The following NUDCD3 variants were observed in gnomAD, a reference collection of about 807,000 sequenced individuals.
The protein encoded by NUDCD3 is NudC domain containing 3, also known as nudC domain-containing protein 3.
In NUDCD3, 13 loss-of-function variants were observed where a neutral mutation model predicts 39.7. That is an observed-to-expected ratio of 0.33 (90% confidence interval 0.21 to 0.52). NUDCD3 has a LOEUF of 0.52. Ranked by LOEUF, NUDCD3 falls within the 20% of genes least tolerant of loss-of-function variation. NUDCD3 has a pLI of 0.96. For synonymous variants in NUDCD3, 175 were observed against 172.4 expected (o/e 1.02, Z -0.12); for missense variants, 453 against 458.1 (o/e 0.99, Z 0.10).
chr7:44,472,655 C>T (rs1398714586), intron 2 of NUDCD3, among the ~76,000 whole-genome samples: 1 of 151,998 alleles, frequency 6.6e-6, no homozygotes, highest in Non-Finnish European at 1.5e-5. Context: ...GTTGTGCTAA[C>T]AAACAAAATG....
chr7:44,419,126 A>C (rs1356197523), intron 3 of NUDCD3, among the ~76,000 whole-genome samples: 1 of 152,118 alleles, frequency 6.6e-6, no homozygotes, highest in Non-Finnish European at 1.5e-5. Flanking sequence ...CCAGGGAGCC[A>C]AGGGACAATC....
intron 2 of NUDCD3, among the ~76,000 whole-genome samples, chr7:44,477,438 C>T (rs934717067): frequency 1.3e-5 from 2 of 152,212 alleles, no homozygotes; most frequent in Admixed American, 1.3e-4. Flanking sequence ...AAAGGAAAAG[C>T]CCAGGACTGA....
chr7:44,453,770 G>A (rs149897133), intron 2 of NUDCD3, among the ~76,000 whole-genome samples: 3 of 152,158 alleles, frequency 2.0e-5, no homozygotes. Flanking sequence ...TTGGCCAGGC[G>A]TGGTGGCTCA....
At chr7:44,405,767 A>C (rs943751778) in intron 3 of NUDCD3, among the ~76,000 whole-genome samples, 9 of 152,184 alleles carry the variant, frequency 5.9e-5, no homozygotes, top group African/African-American at 2.2e-4. Flanking sequence ...AAATGGGAGA[A>C]ATGATGTGCA....
At chr7:44,467,973 A>C in intron 2 of NUDCD3, 2 of 1,611,750 alleles carry the variant, frequency 1.2e-6, no homozygotes, top group Non-Finnish European at 1.7e-6. Context: ...CACCAGTCAG[A>C]CCAATATGTC....
In NUDCD3 at chr7:44,416,957, A is replaced by G. The variant is rs183410865; in HGVS notation, c.642+10614T>C. 1.9e-4 allele frequency among the ~76,000 whole-genome samples: 29 copies of G among 152,300 alleles called. 1 individual carries two copies. The highest frequency in any genetic ancestry group is 2.9e-5 in the Non-Finnish European group (2 of 68,020). On this transcript the variant is annotated intron_variant, in intron 3 of 5. Transcript: ENST00000355451. ...GGGGGGGACAACTCACTATTTCAAG[A>G]CACAGAGAGGGCACCACACGAGTGC...
intron 2 of NUDCD3, among the ~76,000 whole-genome samples, chr7:44,459,545 T>C (rs1276866804): frequency 6.6e-6 from 1 of 152,228 alleles, no homozygotes. Context: ...GCAAATATAA[T>C]TGTTTTAATC....
chr7:44,438,526 T>C (rs765649448), intron 2 of NUDCD3, among the ~76,000 whole-genome samples: 4 of 152,062 alleles, frequency 2.6e-5, no homozygotes, highest in Non-Finnish European at 5.9e-5. Flanking sequence ...CTTGTAGACG[T>C]TGCACCAATC....
intron 2 of NUDCD3, among the ~76,000 whole-genome samples, chr7:44,473,181 T>C (rs1800290814): frequency 2.6e-5 from 4 of 152,108 alleles, no homozygotes; most frequent in Admixed American, 2.6e-4. Context: ...TTTCTGAAAA[T>C]CCAGACATGA....
intron 2 of NUDCD3, among the ~76,000 whole-genome samples, chr7:44,456,866 C>T (rs1799913823): frequency 2.6e-5 from 4 of 152,010 alleles, no homozygotes; most frequent in South Asian, 2.1e-4. Flanking sequence ...TTCAAACTAT[C>T]GATCAAACAT....
At chr7:44,444,955 A>C (rs1000948896) in intron 2 of NUDCD3, among the ~76,000 whole-genome samples, 1 of 152,148 alleles carries the variant, frequency 6.6e-6, no homozygotes, top group Non-Finnish European at 1.5e-5. Flanking sequence ...ATCACAAATG[A>C]CTTCCAAGTA....
At chr7:44,459,124 AG>A (rs1339046004) in intron 2 of NUDCD3, among the ~76,000 whole-genome samples, 1 of 152,020 alleles carries the variant, frequency 6.6e-6, no homozygotes, top group African/African-American at 2.4e-5. Flanking sequence ...GAGTATTATT[AG>A]TTTTGGAGTT....
chr7:44,434,415 T>C (rs1206238666), intron 2 of NUDCD3, among the ~76,000 whole-genome samples: 1 of 152,190 alleles, frequency 6.6e-6, no homozygotes, highest in Non-Finnish European at 1.5e-5. Flanking sequence ...CCTGCAACTC[T>C]TGCCAGATTC....
At chr7:44,477,306 A>G (rs1190161636) in intron 2 of NUDCD3, among the ~76,000 whole-genome samples, 1 of 152,210 alleles carries the variant, frequency 6.6e-6, no homozygotes. Context: ...CATCCAAAGG[A>G]CAAAAAGATA....
intron 2 of NUDCD3, among the ~76,000 whole-genome samples, chr7:44,465,656 G>A (rs1052711938): frequency 7.2e-5 from 11 of 152,190 alleles, no homozygotes; most frequent in Middle Eastern, 3.4e-3. Flanking sequence ...TCTCCTGACC[G>A]GTACACCAGA....
chr7:44,451,800 T>C (rs1203849509), intron 2 of NUDCD3, among the ~76,000 whole-genome samples: 9 of 151,962 alleles, frequency 5.9e-5, no homozygotes, highest in African/African-American at 1.9e-4. Flanking sequence ...ATGGACTAAG[T>C]TGAAAAGAAG....
intron 3 of NUDCD3, among the ~76,000 whole-genome samples, chr7:44,426,774 C>T (rs1440653719): frequency 2.9e-5 from 4 of 140,150 alleles, no homozygotes; most frequent in South Asian, 2.2e-4. Context: ...CCAGCCTGGG[C>T]GACAGAGCGA....
chr7:44,421,094 G>A (rs1290671102), intron 3 of NUDCD3, among the ~76,000 whole-genome samples: 2 of 152,314 alleles, frequency 1.3e-5, no homozygotes, highest in East Asian at 3.9e-4. Flanking sequence ...AGAGCTTTGG[G>A]AGGCCAAGGT....
At chr7:44,387,319 C>A (rs551379242) in intron 5 of NUDCD3, among the ~76,000 whole-genome samples, 80 of 152,252 alleles carry the variant, frequency 5.3e-4, no homozygotes, top group African/African-American at 1.9e-3. Context: ...GTCCACCATA[C>A]CCAGCTTCAT....
Sources: allele counts gnomAD v4.1 joint callset (sites outside exome capture counted in the v4.1 genomes callset), GRCh38; gene constraint gnomAD v4.1.1; transcripts MANE v1.5; gene names NCBI Gene and HGNC (gene_info 2026-07-23, HGNC 2026-07-21).